The following HAUS7 variants were observed in gnomAD, a reference collection of about 807,000 sequenced individuals.
HAUS7 encodes the protein HAUS augmin like complex subunit 7.
In HAUS7, 3 loss-of-function variants were observed where a neutral mutation model predicts 28.4. That is an observed-to-expected ratio of 0.11 (90% CI 0.05 to 0.27). HAUS7 has a LOEUF of 0.27. HAUS7 is among the 10% of genes least tolerant of loss of function. The pLI, the probability that HAUS7 is intolerant of heterozygous loss-of-function variation, is 1.00. For synonymous variants in HAUS7, 165 were observed against 132.1 expected, an observed-to-expected ratio of 1.25 and a Z score of -1.71; for missense variants, 284 against 297.3, an observed-to-expected ratio of 0.96 and a Z score of 0.33.
intron 1 of HAUS7, among the ~76,000 whole-genome samples, chrX:153,493,231 G>A (rs930734237): frequency 2.7e-5 from 3 of 112,308 alleles, no homozygotes; most frequent in Admixed American, 1.9e-4. Flanking sequence ...CCACAGATGA[G>A]CCTAGTGTGG....
chrX:153,481,545 G>C, intron 1 of HAUS7: 2 of 756,270 alleles, frequency 2.6e-6, no homozygotes, highest in Non-Finnish European at 3.1e-6. Flanking sequence ...CCTCTCTGCC[G>C]GCCTCGTGCC....
At chrX:153,470,715 G>T, upstream of HAUS7, 1 of 794,172 alleles carries the variant, frequency 1.3e-6, no homozygotes, top group Non-Finnish European at 1.8e-6. Flanking sequence ...CGCGGGCCCC[G>T]GGCTCCCACC....
intron 1 of HAUS7, chrX:153,483,321 C>A (rs957627611): frequency 2.6e-6 from 2 of 755,100 alleles, no homozygotes; most frequent in Non-Finnish European, 3.1e-6. Flanking sequence ...CACCTGGGCA[C>A]CAACCTCATC....
chrX:153,448,846 G>A (rs1408729618), intron 9 of HAUS7, among the ~76,000 whole-genome samples: 5 of 112,594 alleles, frequency 4.4e-5, no homozygotes, highest in Non-Finnish European at 7.5e-5. Flanking sequence ...CTGTTGACCC[G>A]GCTGTGCCCC....
chrX:153,480,346 G>A (rs1297253749), intron 1 of HAUS7, among the ~76,000 whole-genome samples: 2 of 109,558 alleles, frequency 1.8e-5, no homozygotes, highest in Non-Finnish European at 3.8e-5. Context: ...CTCCCCAGCA[G>A]TGAGGAGCTG....
At chrX:153,493,512 T>C (rs3761647) in intron 1 of HAUS7, among the ~76,000 whole-genome samples, 35,916 of 111,094 alleles carry the variant, frequency 0.32, 4,805 homozygotes, top group Non-Finnish European at 0.43. Context: ...AGACAAGCCA[T>C]CTCCTTTGTC....
intron 9 of HAUS7, among the ~76,000 whole-genome samples, chrX:153,450,858 C>T (rs782275385): frequency 3.8e-4 from 43 of 112,544 alleles, no homozygotes; most frequent in African/African-American, 1.3e-3. Flanking sequence ...GGAGGAGGGC[C>T]ATCGAGACCA....
At chrX:153,483,914 C>T (rs1033512519) in intron 1 of HAUS7, among the ~76,000 whole-genome samples, 1 of 112,309 alleles carries the variant, frequency 8.9e-6, no homozygotes, top group African/African-American at 3.2e-5. Context: ...CGCGGAAGGG[C>T]TGGGGGCACA....
intron 5 of HAUS7, 149 bp downstream of exon 5, chrX:153,456,988 G>T (rs1416625353): frequency 2.1e-6 from 1 of 473,558 alleles, no homozygotes; most frequent in East Asian, 3.7e-5. Flanking sequence ...ATGCTGCCCG[G>T]CCCCTGATTG....
intron 1 of HAUS7, chrX:153,486,788 G>A (rs917049711): frequency 8.2e-6 from 8 of 981,013 alleles, no homozygotes; most frequent in Non-Finnish European, 9.3e-6. Context: ...CAGCCCCAGC[G>A]GCGGGGGGAG....
intron 9 of HAUS7, among the ~76,000 whole-genome samples, chrX:153,453,742 C>T (rs2089266940): frequency 1.8e-5 from 2 of 111,126 alleles, no homozygotes; most frequent in South Asian, 7.7e-4. Context: ...AAACTGGATC[C>T]CCACCTCACT....
intron 1 of HAUS7, among the ~76,000 whole-genome samples, chrX:153,488,367 G>T (rs1360778324): frequency 8.8e-6 from 1 of 113,117 alleles, no homozygotes; most frequent in East Asian, 2.8e-4. Flanking sequence ...CAGGGTGTCC[G>T]CTGCAAGGAC....
intron 1 of HAUS7, among the ~76,000 whole-genome samples, chrX:153,492,820 CCGA>C (rs2089679667): frequency 9.0e-6 from 1 of 111,439 alleles, no homozygotes; most frequent in Non-Finnish European, 1.9e-5. Flanking sequence ...GGTAGCCCTC[CCGA>C]GCCTCTGGCA....
In HAUS7 at chrX:153,470,547, T is replaced by C; in HGVS notation, c.11A>G (p.Gln4Arg). 1.7e-6 allele frequency: 2 copies of C among 1,188,454 alleles called. No homozygotes were observed. Among genetic ancestry groups the C allele is most frequent in the Non-Finnish European group, 2.3e-6 (2 of 884,836 alleles). Residue 4 changes from glutamine (Q) to arginine (R), a missense_variant, in exon 1 of 10, where the codon CAG becomes CGG. Physicochemically the swap from Gln to Arg is conservative, Grantham distance 43. Coordinates refer to ENST00000370211, the MANE Select transcript of HAUS7 (RefSeq NM_001385482.1). MAG[Q>R]DAGCGRGGDD... ...GCCGCCACGGCCGCAGCCAGCGTCCTGCCCCGCCATGTTTCGCGCTCCGAG... is the reference window on the plus strand; with the variant it reads ...GCCGCCACGGCCGCAGCCAGCGTCCCGCCCCGCCATGTTTCGCGCTCCGAG...
chrX:153,493,355 G>A (rs3020975), intron 1 of HAUS7, among the ~76,000 whole-genome samples: 27,832 of 111,293 alleles, frequency 0.25, 3,297 homozygotes, highest in East Asian at 0.85. Context: ...GTCAGGCTTC[G>A]CTGCCTGTCC....
At chrX:153,487,030 C>T (rs958364878) in intron 1 of HAUS7, 58 of 264,259 alleles carry the variant, frequency 2.2e-4, no homozygotes, top group Middle Eastern at 1.4e-3. Flanking sequence ...ATAAATGCAG[C>T]TTGGGCAGGC....
intron 7 of HAUS7, 97 bp from the exon 8 acceptor site, chrX:153,455,863 AG>A (rs1164868273): frequency 1.1e-5 from 6 of 528,036 alleles, no homozygotes; most frequent in Non-Finnish European, 1.6e-5. Flanking sequence ...AGGGCGAGGA[AG>A]AAAGCTTTCA....
chrX:153,481,488 G>A, intron 1 of HAUS7: 1 of 755,971 alleles, frequency 1.3e-6, no homozygotes, highest in Non-Finnish European at 1.6e-6. Context: ...GCACACATGG[G>A]CACAGGCACA....
In HAUS7 at chrX:153,455,742, C is replaced by A. The variant is rs2089299141; in HGVS notation, c.730G>T (p.Ala244Ser). The change falls in exon 8 of 10, where the codon GCT (alanine) becomes TCT (serine). Residue 244 changes from alanine to serine, a missense_variant. Coordinates refer to ENST00000370211, the MANE Select transcript of HAUS7 (RefSeq NM_001385482.1). ...TEYFAQHEQG[A>S]AAGAADISTL... The stretch of plus-strand genomic sequence containing the variant: ...CTGATGTCGGCTGCGCCCGCAGCAG[C>A]CCCTTGCTCATGCTGTGCAAAGTAC... 1 of 1,195,230 alleles carries A rather than the reference C, an allele frequency of 8.4e-7. No individual in the cohort carries two copies. Among genetic ancestry groups the A allele is most frequent in the Non-Finnish European group, 1.1e-6 (1 of 882,761 alleles).
Sources: gnomAD v4.1 joint callset for allele counts (sites outside exome capture counted in the v4.1 genomes callset) on GRCh38, gnomAD v4.1.1 for gene constraint, MANE v1.5 for transcripts, NCBI Gene and HGNC (gene_info 2026-07-23, HGNC 2026-07-21) for gene names.